PCDHA1: variants seen among roughly 807,000 people sequenced by gnomAD.
PCDHA1 encodes the protein protocadherin alpha-1.
Under a neutral mutation model 61.3 loss-of-function variants are expected in PCDHA1, and 42 were observed. That is an observed-to-expected ratio of 0.69 (90% CI 0.54 to 0.89). The LOEUF (loss-of-function observed/expected upper bound fraction) is 0.89. Ranked by LOEUF, PCDHA1 falls within the 40% of genes least tolerant of loss-of-function variation. The pLI is 0.00. For synonymous variants in PCDHA1, 610 were observed against 553.8 expected, an observed-to-expected ratio of 1.10 and a Z score of -1.43; for missense variants, 1,256 against 1,235.3, an observed-to-expected ratio of 1.02 and a Z score of -0.25.
At chr5:140,854,958 C>T (rs1554147522) in intron 1 of PCDHA1, among the ~76,000 whole-genome samples, 2 of 149,742 alleles carry the variant, frequency 1.3e-5, no homozygotes, top group African/African-American at 2.4e-5. Context: ...TTCTTAATTA[C>T]TTTATTCAGA....
intron 1 of PCDHA1, chr5:140,858,598 T>C: frequency 7.7e-7 from 1 of 1,294,926 alleles, no homozygotes; most frequent in Non-Finnish European, 1.1e-6. Context: ...TTCCAGGAGT[T>C]TTAAAATTTT....
At chr5:140,964,961 G>A (rs552220130) in intron 1 of PCDHA1, among the ~76,000 whole-genome samples, 1 of 152,320 alleles carries the variant, frequency 6.6e-6, no homozygotes, top group Non-Finnish European at 1.5e-5. Context: ...TTGGTTGGTG[G>A]AACGAAGGGA....
intron 1 of PCDHA1, chr5:140,828,383 C>G: frequency 6.2e-7 from 1 of 1,614,256 alleles, no homozygotes; most frequent in South Asian, 1.1e-5. Context: ...GCTGTGCGGG[C>G]GGAGCGCGGA....
In PCDHA1 at chr5:141,000,611, A is replaced by T. The variant is rs185617081; in HGVS notation, c.2543-9016A>T. Among the ~76,000 whole-genome samples the T allele has an allele frequency of 4.7e-3, 713 of 150,994 alleles. 3 individuals carry two copies. Among genetic ancestry groups the T allele is most frequent in the Non-Finnish European group, 7.5e-3 (505 of 67,758 alleles). ...CCCAGCTAATTTTTGTATTTTTAGT[A>T]GAGACAGGGTTTCACCATGTTGGGC... On this transcript the variant is annotated intron_variant, in intron 3 of 3. Transcript: ENST00000504120.
intron 1 of PCDHA1, among the ~76,000 whole-genome samples, chr5:140,941,777 T>C (rs903102270): frequency 6.6e-6 from 1 of 152,262 alleles, no homozygotes; most frequent in Admixed American, 6.5e-5. Context: ...ATTGTTTTAA[T>C]GTTTTACCCA....
chr5:140,950,512 G>T (rs1239372084), intron 1 of PCDHA1, among the ~76,000 whole-genome samples: 11 of 152,016 alleles, frequency 7.2e-5, no homozygotes, highest in Non-Finnish European at 7.4e-5. Context: ...TATTCCCTGT[G>T]TGCGATATGA....
At chr5:140,854,330 T>A in intron 1 of PCDHA1, 1 of 213,708 alleles carries the variant, frequency 4.7e-6, no homozygotes, top group Non-Finnish European at 8.0e-6. Flanking sequence ...GCAAACTTAT[T>A]TTACGCTCCA....
intron 1 of PCDHA1, among the ~76,000 whole-genome samples, chr5:140,893,546 A>T (rs765690335): frequency 2.0e-5 from 3 of 152,210 alleles, no homozygotes; most frequent in Non-Finnish European, 4.4e-5. Context: ...TGTAGGACTT[A>T]TCTAGTTGTA....
At chr5:140,942,876 T>C (rs2093384814) in intron 1 of PCDHA1, among the ~76,000 whole-genome samples, 1 of 152,052 alleles carries the variant, frequency 6.6e-6, no homozygotes, top group Non-Finnish European at 1.5e-5. Context: ...GCATGACAAC[T>C]TTTTTCCTAA....
chr5:140,796,500 G>T (rs1554119945), intron 1 of PCDHA1: 2 of 1,612,258 alleles, frequency 1.2e-6, no homozygotes, highest in Non-Finnish European at 1.7e-6. Context: ...CGGTGCACGC[G>T]GAGAGCGGCA....
At chr5:140,803,941 A>G in intron 1 of PCDHA1, 1 of 380,398 alleles carries the variant, frequency 2.6e-6, no homozygotes, top group South Asian at 4.0e-5. Flanking sequence ...TCCCTATACA[A>G]TGCTTCTTCA....
chr5:140,936,846 T>C (rs1385625641), intron 1 of PCDHA1, among the ~76,000 whole-genome samples: 1 of 152,206 alleles, frequency 6.6e-6, no homozygotes, highest in Non-Finnish European at 1.5e-5. Context: ...AATTGTAGAT[T>C]CAGCTTCTCA....
chr5:140,987,207 C>A (rs1475441121), intron 3 of PCDHA1, among the ~76,000 whole-genome samples: 1 of 148,672 alleles, frequency 6.7e-6, no homozygotes, highest in African/African-American at 2.5e-5. Context: ...GAGTGAGACT[C>A]CATCTCAAAA....
At chr5:140,803,075 G>T (rs782240036) in intron 1 of PCDHA1, 1 of 1,613,830 alleles carries the variant, frequency 6.2e-7, no homozygotes, top group Non-Finnish European at 8.5e-7. Context: ...GCGTGGGGCT[G>T]TACACGGGAG....
intron 1 of PCDHA1, chr5:140,842,263 C>T: frequency 6.2e-7 from 1 of 1,611,084 alleles, no homozygotes; most frequent in Non-Finnish European, 8.5e-7. Context: ...AACAAGAAAA[C>T]TTATACAAAA....
chr5:140,836,399 C>T (rs2150259749), intron 1 of PCDHA1: 3 of 1,613,764 alleles, frequency 1.9e-6, no homozygotes, highest in Admixed American at 3.3e-5. Flanking sequence ...TGGTGGAAAG[C>T]GGCCAGGCAC....
At chr5:140,842,693 C>A in intron 1 of PCDHA1, 1 of 1,595,288 alleles carries the variant, frequency 6.3e-7, no homozygotes. Context: ...GTTCGCGCAG[C>A]CCGAGTACAC....
chr5:140,912,164 CT>C (rs1281307479), intron 1 of PCDHA1, among the ~76,000 whole-genome samples: 1 of 152,158 alleles, frequency 6.6e-6, no homozygotes, highest in Non-Finnish European at 1.5e-5. Flanking sequence ...TTTATTCTGG[CT>C]GTGCTGGCAG....
intron 1 of PCDHA1, among the ~76,000 whole-genome samples, chr5:140,944,030 A>G (rs1272534224): frequency 1.3e-5 from 2 of 152,214 alleles, no homozygotes; most frequent in East Asian, 1.9e-4. Context: ...TCTTCAAAAT[A>G]TGGAAAACCA....
Sources: gnomAD v4.1 joint callset for allele counts (sites outside exome capture counted in the v4.1 genomes callset) on GRCh38, gnomAD v4.1.1 for gene constraint, MANE v1.5 for transcripts, NCBI Gene and HGNC (gene_info 2026-07-23, HGNC 2026-07-21) for gene names.